The following PLSCR2 variants were observed in gnomAD, a reference collection of about 807,000 sequenced individuals.
PLSCR2 encodes the protein phospholipid scramblase 2.
Under a neutral mutation model 25.3 loss-of-function variants are expected in PLSCR2, and 18 were observed. That is an observed-to-expected ratio of 0.71 (90% CI 0.49 to 1.06). The LOEUF (loss-of-function observed/expected upper bound fraction) is 1.06. Among genes scored for constraint, PLSCR2 ranks in the 50% least tolerant of loss-of-function variants. The pLI is 0.00. For missense variants in PLSCR2, 243 were observed against 269.5 expected, an observed-to-expected ratio of 0.90 and a Z score of 0.69; for synonymous variants, 88 against 87.3, an observed-to-expected ratio of 1.01 and a Z score of -0.04.
At chr3:146,435,075 T>C (rs572775353) in intron 8 of PLSCR2, among the ~76,000 whole-genome samples, 1 of 152,220 alleles carries the variant, frequency 6.6e-6, no homozygotes, top group South Asian at 2.1e-4. Flanking sequence ...TCCAGCTTCA[T>C]CCATGTCCCT....
intron 1 of PLSCR2, among the ~76,000 whole-genome samples, chr3:146,494,039 A>T (rs1243111397): frequency 1.3e-5 from 2 of 152,062 alleles, no homozygotes; most frequent in African/African-American, 4.8e-5. Flanking sequence ...GAGGATGGAA[A>T]TAGAACAAGT....
chr3:146,418,507 A>G (rs145364503), intron 2 of PLSCR2, among the ~76,000 whole-genome samples: 3 of 152,302 alleles, frequency 2.0e-5, no homozygotes, highest in Admixed American at 6.5e-5. Context: ...TTTCCCTGTT[A>G]GAGGCATTTC....
chr3:146,455,603 G>C, intron 3 of PLSCR2, 144 bp from the exon 4 acceptor site: 2 of 605,754 alleles, frequency 3.3e-6, no homozygotes, highest in Non-Finnish European at 5.8e-6. Context: ...ATCAGGCAGA[G>C]GAAAAAGGCA....
chr3:146,436,597 A>G (rs1269203968), intron 8 of PLSCR2, among the ~76,000 whole-genome samples: 1 of 152,126 alleles, frequency 6.6e-6, no homozygotes, highest in East Asian at 1.9e-4. Flanking sequence ...GTGTATAGGA[A>G]TGCTTGTGAT....
At position 146,490,683 on chromosome 3, in the gene PLSCR2, G is replaced by A. The variant is rs184101685; in HGVS notation, c.-293+5212C>T. Among the ~76,000 whole-genome samples the A allele has an allele frequency of 1.3e-4, 19 of 151,944 alleles. No individual in the cohort carries two copies. The East Asian group carries it at 2.5e-3, about 20-fold the overall frequency. ...AGAATATCAATTCCTGCTGTTTTTC[G>A]TTTTCCATTTGCTTAATAGATATTT... is the stretch of plus-strand genomic sequence containing the variant. On this transcript the variant is annotated intron_variant, in intron 1 of 8. Transcript: ENST00000336685.
chr3:146,478,677 A>G (rs897523979), intron 1 of PLSCR2, among the ~76,000 whole-genome samples: 1 of 152,218 alleles, frequency 6.6e-6, no homozygotes, highest in Admixed American at 6.5e-5. Flanking sequence ...TCTTCAGGAT[A>G]TTATCCAGGA....
chr3:146,433,031 C>T (rs748620148), downstream of PLSCR2, among the ~76,000 whole-genome samples: 26 of 152,042 alleles, frequency 1.7e-4, no homozygotes, highest in Non-Finnish European at 3.1e-4. Flanking sequence ...TTTGCTAGGT[C>T]TTAACTTTTT....
chr3:146,484,175 G>GAAAATAA lies in PLSCR2; in HGVS notation c.-293+11713_-293+11719dup, dbSNP rs569181526. 1.9e-3 allele frequency among the ~76,000 whole-genome samples: 288 copies of GAAAATAA among 151,016 alleles called. 1 individual carries two copies. Among genetic ancestry groups the GAAAATAA allele is most frequent in the African/African-American group, 6.9e-3 (282 of 41,096 alleles). ...GTAAAATAGCCAAATCGATGAAGCAGAAAATAAAATATCAGAGCTTGAAGA... is the reference window on the plus strand; with the variant it reads ...GTAAAATAGCCAAATCGATGAAGCAGAAAATAAAAAATAAAATATCAGAGCTTGAAGA... On this transcript the variant is annotated intron_variant, in intron 1 of 8. Transcript: ENST00000336685.
intron 1 of PLSCR2, chr3:146,495,844 G>A: frequency 1.4e-6 from 2 of 1,425,570 alleles, no homozygotes; most frequent in Non-Finnish European, 1.9e-6. Flanking sequence ...TAGTTATAGA[G>A]ATCAACATTT....
chr3:146,452,902 T>C (rs1229387620), intron 5 of PLSCR2, among the ~76,000 whole-genome samples: 3 of 151,896 alleles, frequency 2.0e-5, no homozygotes, highest in Admixed American at 1.3e-4. Flanking sequence ...CACCCATATA[T>C]ACCCACACAC....
intron 1 of PLSCR2, among the ~76,000 whole-genome samples, chr3:146,483,591 G>T (rs1432168098): frequency 6.7e-6 from 1 of 148,826 alleles, no homozygotes; most frequent in African/African-American, 2.5e-5. Context: ...TTTGCTGTTT[G>T]CTGTTCTCCA....
chr3:146,461,145 T>C (rs60964047), upstream of PLSCR2, among the ~76,000 whole-genome samples: 4,241 of 152,298 alleles, frequency 0.028, 223 homozygotes, highest in African/African-American at 0.096. Context: ...CTTATTTGTA[T>C]AGTCCGCAGT....
chr3:146,467,078 A>T (rs1393048166), intron 1 of PLSCR2, among the ~76,000 whole-genome samples: 1 of 152,234 alleles, frequency 6.6e-6, no homozygotes, highest in African/African-American at 2.4e-5. Context: ...TTTTAAATTT[A>T]GCACTGTTCA....
intron 1 of PLSCR2, chr3:146,469,543 G>A: frequency 1.0e-6 from 1 of 985,434 alleles, no homozygotes; most frequent in Non-Finnish European, 1.2e-6. Flanking sequence ...CGAGGTCCTA[G>A]CGTGGCTTCC....
At chr3:146,397,048 C>A (rs1238513583) in intron 2 of PLSCR2, among the ~76,000 whole-genome samples, 1 of 152,122 alleles carries the variant, frequency 6.6e-6, no homozygotes, top group Admixed American at 6.6e-5. Flanking sequence ...TCTCTACATG[C>A]GTCTTAGTCC....
intron 1 of PLSCR2, among the ~76,000 whole-genome samples, chr3:146,465,992 G>C (rs1315533495): frequency 1.3e-5 from 2 of 152,170 alleles, no homozygotes; most frequent in Non-Finnish European, 2.9e-5. Context: ...TGAGTACAAA[G>C]CACACCATAT....
intron 1 of PLSCR2, among the ~76,000 whole-genome samples, chr3:146,483,509 A>ATACATGTGTATATATATATATATATATAT: frequency 7.9e-6 from 1 of 127,068 alleles, no homozygotes; most frequent in Middle Eastern, 4.3e-3. Context: ...ATATATATAT[A>ATACATGTGTATATATATATATATATATAT]ATGTTACTAC....
At chr3:146,419,662 G>GGTTTT (rs1369837440) in intron 2 of PLSCR2, among the ~76,000 whole-genome samples, 3 of 151,980 alleles carry the variant, frequency 2.0e-5, no homozygotes, top group Non-Finnish European at 4.4e-5. Flanking sequence ...TTTTGTTTCA[G>GGTTTT]GTTTTGTTTT....
chr3:146,470,456 A>G (rs1250702939), intron 1 of PLSCR2, among the ~76,000 whole-genome samples: 2 of 151,982 alleles, frequency 1.3e-5, no homozygotes, highest in Non-Finnish European at 2.9e-5. Context: ...GAGGCAGGAG[A>G]AAAATCGCTT....
Sources: allele counts gnomAD v4.1 joint callset (sites outside exome capture counted in the v4.1 genomes callset), GRCh38; gene constraint gnomAD v4.1.1; transcripts MANE v1.5; gene names NCBI Gene and HGNC (gene_info 2026-07-23, HGNC 2026-07-21).